Variants in MYO19 observed in about 807,000 individuals in gnomAD.
MYO19 encodes the protein myosin XIX.
In MYO19, 132 loss-of-function variants were observed where a neutral mutation model predicts 129.2. The ratio of observed to expected loss-of-function variants is 1.02; its 90% CI spans 0.89 to 1.18. MYO19 has a LOEUF of 1.18. Ranked by LOEUF, MYO19 falls within the 50% of genes most tolerant of loss-of-function variation. MYO19 has a pLI of 0.00. For synonymous variants in MYO19, 531 were observed against 477.2 expected, an observed-to-expected ratio of 1.11 and a Z score of -1.47; for missense variants, 1,210 against 1,216.7, an observed-to-expected ratio of 0.99 and a Z score of 0.08.
In MYO19 at chr17:36,527,593, C is replaced by T. The variant is rs773972331; in HGVS notation, c.258G>A (p.Ser86=). 5.6e-6 allele frequency: 9 copies of T among 1,613,876 alleles called. No individual in the cohort carries two copies. The highest frequency in any genetic ancestry group is 3.3e-5 in the South Asian group (3 of 91,054). The change falls in exon 5 of 26, where the codon TCG becomes TCA. Residue 86 remains serine (S), a synonymous_variant. Coordinates refer to ENST00000614623, the MANE Select transcript of MYO19 (RefSeq NM_001163735.2). ...NPFKPVPQLY[S]PELMREYHAA... Reference sequence around the variant, plus strand: ...CATGGTACTCTCTCATTAGCTCGGGCGAGTAGAGCTGAGGAACAGGCTTGA... The same window carrying T: ...CATGGTACTCTCTCATTAGCTCGGGTGAGTAGAGCTGAGGAACAGGCTTGA...
At chr17:36,510,325 A>G (rs1299654018) in intron 13 of MYO19, among the ~76,000 whole-genome samples, 1 of 152,182 alleles carries the variant, frequency 6.6e-6, no homozygotes, top group Admixed American at 6.5e-5. Context: ...ACAATCTATC[A>G]AACTCCTAGG....
intron 3 of MYO19, 81 bp from the exon 4 acceptor site, chr17:36,528,283 C>G (rs2073610811): frequency 7.0e-7 from 1 of 1,437,778 alleles, no homozygotes; most frequent in East Asian, 2.5e-5. Flanking sequence ...CCAAGGCGGG[C>G]AGGACACAAA....
chr17:36,504,053 C>T, intron 19 of MYO19, 33 bp from the exon 20 acceptor site: 1 of 1,505,502 alleles, frequency 6.6e-7, no homozygotes, highest in African/African-American at 1.4e-5. Context: ...CAGGCACCTG[C>T]AGCATGGGGC....
rs756831238 is a variant in MYO19, at chr17:36,515,857, C to T, written c.547+1G>A. 2 of 1,610,388 alleles carry T rather than the reference C, an allele frequency of 1.2e-6. No individual in the cohort carries two copies. The highest frequency in any genetic ancestry group is 4.5e-5 in the East Asian group (2 of 44,782). ...TACTGTGCAAAGGAGCCCAAGCTCACCAAAAGCTTCCATGACAGGGTTGGA... is the reference window on the plus strand; with the variant it reads ...TACTGTGCAAAGGAGCCCAAGCTCATCAAAAGCTTCCATGACAGGGTTGGA... On this transcript the variant is annotated splice_donor_variant, in intron 7 of 25. Coordinates refer to ENST00000614623, the MANE Select transcript of MYO19 (RefSeq NM_001163735.2). LOFTEE classifies it high-confidence loss of function.
intron 3 of MYO19, among the ~76,000 whole-genome samples, chr17:36,529,163 T>C (rs1177660560): frequency 2.0e-5 from 3 of 151,706 alleles, no homozygotes; most frequent in Non-Finnish European, 2.9e-5. Flanking sequence ...CTTTTTTTTT[T>C]CCTTTCTTTT....
At chr17:36,519,528 A>T (rs2073010208) in intron 6 of MYO19, among the ~76,000 whole-genome samples, 1 of 151,762 alleles carries the variant, frequency 6.6e-6, no homozygotes, top group African/African-American at 2.4e-5. Context: ...ATGTGATCTT[A>T]GTTCCCTTTT....
chr17:36,514,113 C>T (rs1451039776), intron 9 of MYO19, among the ~76,000 whole-genome samples: 1 of 152,156 alleles, frequency 6.6e-6, no homozygotes, highest in Non-Finnish European at 1.5e-5. Context: ...TCTAGGGAAG[C>T]CCTTGTTCTG....
At chr17:36,525,580 C>A (rs1165023275) in intron 5 of MYO19, among the ~76,000 whole-genome samples, 2 of 152,194 alleles carry the variant, frequency 1.3e-5, no homozygotes, top group Non-Finnish European at 1.5e-5. Flanking sequence ...GACATTAACA[C>A]TTTATACCCC....
chr17:36,522,688 G>C (rs1032540356), intron 6 of MYO19, among the ~76,000 whole-genome samples: 2 of 151,972 alleles, frequency 1.3e-5, no homozygotes, highest in African/African-American at 4.8e-5. Context: ...TGGCCAACTT[G>C]GTGAAACCCC....
chr17:36,541,844 G>A (rs1301594649), intron 2 of MYO19, among the ~76,000 whole-genome samples: 1 of 152,120 alleles, frequency 6.6e-6, no homozygotes, highest in South Asian at 2.1e-4. Flanking sequence ...CAGTACTGGT[G>A]GTTATGGCTA....
chr17:36,505,204 C>T, intron 19 of MYO19, 93 bp downstream of exon 19: 1 of 1,146,670 alleles, frequency 8.7e-7, no homozygotes, highest in Non-Finnish European at 1.3e-6. Context: ...CTTCTGTGCA[C>T]TCCATTTGGA....
Position 36,507,495 on chromosome 17 carries a change from C to G in MYO19, c.1371G>C (p.Glu457Asp). Residue 457 changes from glutamate to aspartate, a missense_variant, in exon 16 of 26, where the codon GAG becomes GAC. Transcript: ENST00000614623. ...LRAQQEEYAV[E>D]GLEWSFINYQ... ...AGTTGATGAATGACCACTCCAGGCC[C>G]TCAACTGCGTATTCCTCCTAAAGAA... The G allele has an allele frequency of 6.2e-7, 1 of 1,613,664 alleles. No homozygotes were observed. The highest frequency in any genetic ancestry group is 1.7e-5 in the Admixed American group (1 of 59,998).
chr17:36,536,356 C>G (rs569778721), upstream of MYO19, among the ~76,000 whole-genome samples: 21 of 152,236 alleles, frequency 1.4e-4, no homozygotes, highest in African/African-American at 5.1e-4. Context: ...TACTTGGCCC[C>G]TAGCGTTTGA....
At chr17:36,537,033 A>G (rs2074148834), upstream of MYO19, 1 of 1,400,288 alleles carries the variant, frequency 7.1e-7, no homozygotes, top group Non-Finnish European at 9.7e-7. Flanking sequence ...TAAGCCAGGT[A>G]TGCTAATTAC....
At position 36,509,058 on chromosome 17, in the gene MYO19, C is replaced by T; in HGVS notation, c.1231+4G>A. On this transcript the variant is annotated splice_donor_region_variant and intron_variant, in intron 14 of 25. Transcript: ENST00000614623. ...GTGCTCCCAGCACAGTGAGGCCTTG[C>T]TACCTATGAAAGTGGTCCACGAGTC... The T allele has an allele frequency of 1.2e-6, 2 of 1,613,340 alleles. No homozygotes were observed. The highest frequency in any genetic ancestry group is 1.7e-6 in the Non-Finnish European group (2 of 1,179,556).
At chr17:36,527,782 C>A in intron 4 of MYO19, 83 bp from the exon 5 acceptor site, 1 of 1,421,566 alleles carries the variant, frequency 7.0e-7, no homozygotes, top group Non-Finnish European at 9.5e-7. Flanking sequence ...TAAGTAACAG[C>A]CCTCTTTCTG....
At chr17:36,541,663 A>G (rs1384716823) in intron 2 of MYO19, among the ~76,000 whole-genome samples, 3 of 152,258 alleles carry the variant, frequency 2.0e-5, no homozygotes. Context: ...TGGCCTTTCA[A>G]ATCCTTTGAA....
chr17:36,537,031 G>C (rs1032163111), upstream of MYO19: 1 of 1,388,012 alleles, frequency 7.2e-7, no homozygotes, highest in African/African-American at 1.5e-5. Context: ...ATTAAGCCAG[G>C]TATGCTAATT....
chr17:36,518,736 C>T (rs1057196060), intron 6 of MYO19, among the ~76,000 whole-genome samples: 4 of 150,684 alleles, frequency 2.7e-5, no homozygotes, highest in African/African-American at 7.3e-5. Context: ...TAAGATCACA[C>T]GGAACAATTT....
Sources: allele counts gnomAD v4.1 joint callset (sites outside exome capture counted in the v4.1 genomes callset), GRCh38; gene constraint gnomAD v4.1.1; transcripts MANE v1.5; gene names NCBI Gene and HGNC (gene_info 2026-07-23, HGNC 2026-07-21).